The following SDK1 variants were observed in gnomAD, a reference collection of about 807,000 sequenced individuals.
SDK1 encodes sidekick cell adhesion molecule 1.
SDK1 carries 157 observed loss-of-function variants against 245.5 expected under a neutral mutation model. The observed-to-expected ratio is 0.64, with a 90% CI of 0.56 to 0.73. SDK1 has a LOEUF of 0.73. Among genes scored for constraint, SDK1 ranks in the 30% least tolerant of loss-of-function variants. The probability of loss-of-function intolerance (pLI) is 0.00; values close to 1 mark genes in which losing one functional copy is unlikely to be tolerated. For missense variants in SDK1, 3,583 were observed against 3,002.3 expected, an observed-to-expected ratio of 1.19 and a Z score of -4.52; for synonymous variants, 1,647 against 1,278.5, an observed-to-expected ratio of 1.29 and a Z score of -6.15.
intron 1 of SDK1, among the ~76,000 whole-genome samples, chr7:3,598,882 T>C (rs1364176699): frequency 6.6e-6 from 1 of 152,076 alleles, no homozygotes; most frequent in Non-Finnish European, 1.5e-5. Flanking sequence ...GTGGGCTGTA[T>C]TTAGCTTTTG....
chr7:3,449,828 G>A (rs1391502286), intron 1 of SDK1, among the ~76,000 whole-genome samples: 1 of 152,222 alleles, frequency 6.6e-6, no homozygotes, highest in Non-Finnish European at 1.5e-5. Context: ...GAATAAAGAT[G>A]AAGGGTGTAG....
intron 2 of SDK1, among the ~76,000 whole-genome samples, chr7:3,628,261 A>C (rs1782180089): frequency 6.6e-6 from 1 of 152,140 alleles, no homozygotes; most frequent in South Asian, 2.1e-4. Flanking sequence ...CATAATGCTT[A>C]TCTCCAGTTG....
chr7:4,097,233 G>T (rs1432698139), intron 22 of SDK1, among the ~76,000 whole-genome samples: 2 of 111,722 alleles, frequency 1.8e-5, no homozygotes, highest in Admixed American at 8.3e-5. Flanking sequence ...CTGGGTGAGG[G>T]GCTCACCTGG....
intron 5 of SDK1, among the ~76,000 whole-genome samples, chr7:3,862,976 G>A (rs1265647648): frequency 6.6e-6 from 1 of 152,124 alleles, no homozygotes; most frequent in Non-Finnish European, 1.5e-5. Context: ...ACAGGAGGGG[G>A]AGCTCAGGCG....
chr7:3,449,126 T>C (rs936908735), intron 1 of SDK1, among the ~76,000 whole-genome samples: 8 of 152,174 alleles, frequency 5.3e-5, no homozygotes, highest in Non-Finnish European at 8.8e-5. Context: ...ATTCATTGAG[T>C]CCTTTCTTTA....
At chr7:3,573,882 A>T (rs995168579) in intron 1 of SDK1, among the ~76,000 whole-genome samples, 36 of 151,970 alleles carry the variant, frequency 2.4e-4, no homozygotes, top group African/African-American at 8.7e-4. Context: ...AAATAAACTG[A>T]ATGTGTAATT....
intron 5 of SDK1, among the ~76,000 whole-genome samples, chr7:3,936,533 C>G (rs1490625996): frequency 6.6e-6 from 1 of 151,248 alleles, no homozygotes; most frequent in African/African-American, 2.4e-5. Context: ...TGCAATGACC[C>G]TAGATCACGC....
chr7:3,927,875 G>T (rs570418863), intron 5 of SDK1, among the ~76,000 whole-genome samples: 1 of 152,334 alleles, frequency 6.6e-6, no homozygotes, highest in East Asian at 1.9e-4. Flanking sequence ...ACAAATGGTT[G>T]TTCCTCACCG....
At chr7:4,067,540 T>G (rs1005116822) in intron 19 of SDK1, among the ~76,000 whole-genome samples, 3 of 152,216 alleles carry the variant, frequency 2.0e-5, no homozygotes, top group African/African-American at 7.2e-5. Flanking sequence ...CCAGCCTGAT[T>G]GTTCTAATCA....
At chr7:4,044,455 TA>T (rs200094314) in intron 17 of SDK1, among the ~76,000 whole-genome samples, 3 of 127,238 alleles carry the variant, frequency 2.4e-5, no homozygotes, top group African/African-American at 9.5e-5. Flanking sequence ...TGCTTTGCTT[TA>T]TTTTTTTTTA....
At position 3,988,553 on chromosome 7, in the gene SDK1, TG is replaced by T. The variant is rs988104152; in HGVS notation, c.2131+1234del. 7.5e-4 allele frequency among the ~76,000 whole-genome samples: 114 copies of T among 152,272 alleles called. 1 individual carries two copies. Among genetic ancestry groups the T allele is most frequent in the African/African-American group, 2.7e-3 (111 of 41,552 alleles). ...CTCCCTGTGCAGCCTCGGGTCACCC[TG>T]GGCTACTGTGCTCTTTCTCCACACC... On this transcript the variant is annotated intron_variant, in intron 14 of 44. Coordinates refer to ENST00000404826, the MANE Select transcript of SDK1 (RefSeq NM_152744.4).
chr7:3,635,282 T>C (rs1782421517), intron 2 of SDK1, among the ~76,000 whole-genome samples: 2 of 152,370 alleles, frequency 1.3e-5, no homozygotes, highest in East Asian at 3.9e-4. Flanking sequence ...TTTTTCTCTT[T>C]ATAAAAGATT....
At chr7:3,706,452 A>G (rs1331927646) in intron 4 of SDK1, among the ~76,000 whole-genome samples, 1 of 152,128 alleles carries the variant, frequency 6.6e-6, no homozygotes, top group Non-Finnish European at 1.5e-5. Context: ...CCCAGGCTGG[A>G]GTGCAGTGGC....
chr7:3,670,938 G>C (rs1052614065), intron 4 of SDK1, among the ~76,000 whole-genome samples: 2 of 152,168 alleles, frequency 1.3e-5, no homozygotes, highest in Non-Finnish European at 2.9e-5. Context: ...ACAAGGACAG[G>C]TCGTCTATTA....
At chr7:3,438,916 G>A (rs1176946415) in intron 1 of SDK1, among the ~76,000 whole-genome samples, 2 of 148,436 alleles carry the variant, frequency 1.3e-5, no homozygotes, top group Admixed American at 6.7e-5. Flanking sequence ...GCAGTGGTGC[G>A]ATCTTGGCTC....
At chr7:3,843,744 T>C (rs1780213116) in intron 5 of SDK1, among the ~76,000 whole-genome samples, 1 of 152,184 alleles carries the variant, frequency 6.6e-6, no homozygotes, top group South Asian at 2.1e-4. Flanking sequence ...CGCTGAGGCT[T>C]TTTGGCTGCC....
intron 35 of SDK1, among the ~76,000 whole-genome samples, chr7:4,202,427 G>A (rs1260193527): frequency 6.6e-6 from 1 of 152,192 alleles, no homozygotes; most frequent in African/African-American, 2.4e-5. Flanking sequence ...AGCAGCCCCC[G>A]TGTGACTGGC....
rs574240290 is a variant in SDK1 at position 4,159,056 on chromosome 7, T to C, written c.4729+505T>C. On this transcript the variant is annotated intron_variant, in intron 31 of 44. Transcript: ENST00000404826. Reference sequence around the variant, plus strand: ...CTGTGGCGAGCCCAGGAGGCAGCTCTATCAGCCGCGTCCAGCGGTGATCAC... The same window carrying C: ...CTGTGGCGAGCCCAGGAGGCAGCTCCATCAGCCGCGTCCAGCGGTGATCAC... Among the ~76,000 whole-genome samples the C allele has an allele frequency of 7.9e-5, 12 of 152,340 alleles. No individual in the cohort carries two copies. The East Asian group carries it at 1.9e-3, about 25-fold the overall frequency.
At chr7:3,458,669 G>A (rs1181627772) in intron 1 of SDK1, among the ~76,000 whole-genome samples, 2 of 151,890 alleles carry the variant, frequency 1.3e-5, no homozygotes, top group African/African-American at 2.4e-5. Flanking sequence ...ATGATTTATT[G>A]TTTTCTATAT....
Sources: allele counts gnomAD v4.1 joint callset (sites outside exome capture counted in the v4.1 genomes callset), GRCh38; gene constraint gnomAD v4.1.1; transcripts MANE v1.5; gene names NCBI Gene and HGNC (gene_info 2026-07-23, HGNC 2026-07-21).